The following FAM184A variants were observed in gnomAD, a reference collection of about 807,000 sequenced individuals.
FAM184A encodes family with sequence similarity 184 member A.
A neutral mutation model predicts 143.8 loss-of-function variants in FAM184A; 99 were observed. The ratio of observed to expected loss-of-function variants is 0.69; its 90% CI spans 0.58 to 0.81. The LOEUF (loss-of-function observed/expected upper bound fraction) is 0.81. Ranked by LOEUF, FAM184A falls within the 40% of genes least tolerant of loss-of-function variation. The pLI is 0.00. For missense variants in FAM184A, 1,217 were observed against 1,310.5 expected, an observed-to-expected ratio of 0.93 and a Z score of 1.10; for synonymous variants, 427 against 446.4, an observed-to-expected ratio of 0.96 and a Z score of 0.55.
intron 1 of FAM184A, among the ~76,000 whole-genome samples, chr6:119,076,129 G>A (rs529868728): frequency 6.6e-6 from 1 of 152,268 alleles, no homozygotes; most frequent in South Asian, 2.1e-4. Flanking sequence ...GGTGAGGGCA[G>A]CTACTAGTAG....
intron 6 of FAM184A, among the ~76,000 whole-genome samples, chr6:119,007,974 A>G (rs569271271): frequency 6.6e-6 from 1 of 152,196 alleles, no homozygotes; most frequent in Non-Finnish European, 1.5e-5. Flanking sequence ...GTAACAATGT[A>G]AAGAATTCAA....
At chr6:119,004,398 G>T (rs1274563641) in intron 7 of FAM184A, among the ~76,000 whole-genome samples, 1 of 152,142 alleles carries the variant, frequency 6.6e-6, no homozygotes, top group Admixed American at 6.5e-5. Context: ...AGATTAATGA[G>T]AAAAAAACAA....
chr6:119,023,378 C>G (rs1416844314), intron 2 of FAM184A, among the ~76,000 whole-genome samples: 1 of 151,910 alleles, frequency 6.6e-6, no homozygotes, highest in African/African-American at 2.4e-5. Flanking sequence ...ATTTTTTTCC[C>G]CCAGACTTGT....
chr6:118,994,687 AAATAAATAAATAAATAAATAAATAAAT>A (rs1784489259), intron 9 of FAM184A, among the ~76,000 whole-genome samples: 1 of 137,894 alleles, frequency 7.3e-6, no homozygotes, highest in African/African-American at 2.7e-5. Flanking sequence ...CTCCATCTCT[AAATAAATAAATAAATAAATAAATAAAT>A]AAATAAATAA....
intron 1 of FAM184A, among the ~76,000 whole-genome samples, chr6:119,129,725 G>T (rs992432642): frequency 6.7e-6 from 1 of 148,518 alleles, no homozygotes; most frequent in African/African-American, 2.5e-5. Context: ...TGTGTGTGTG[G>T]GGGGTTGTTA....
intron 5 of FAM184A, among the ~76,000 whole-genome samples, chr6:119,011,738 A>G (rs530936306): frequency 1.3e-5 from 2 of 152,210 alleles, no homozygotes; most frequent in Non-Finnish European, 2.9e-5. Flanking sequence ...TGAATTCAAA[A>G]TTCTTTTTTT....
Position 119,078,468 on chromosome 6 carries a change from C to A in FAM184A, c.-169G>T. ...CCCACCCGCGACCCCCGGGTCACCC[C>A]TGGAAGGGACGGGGCGGTCCCGCCG... is the stretch of plus-strand genomic sequence containing the variant. On this transcript the variant is annotated 5_prime_UTR_variant, in exon 1 of 18. It adds an upstream start codon to the 5' untranslated region. Coordinates refer to ENST00000338891, the MANE Select transcript of FAM184A (RefSeq NM_024581.6). This position sits in a 1 kb window ranked among gnomAD's most constrained non-coding sequence, Gnocchi z 5.5. 1.7e-6 allele frequency: 1 copy of A among 596,084 alleles called. No homozygotes were observed. Among genetic ancestry groups the A allele is most frequent in the Non-Finnish European group, 2.6e-6 (1 of 388,210 alleles). 36.9% of individuals were successfully genotyped at this position (596,084 alleles called of 1,614,324 possible).
intron 1 of FAM184A, among the ~76,000 whole-genome samples, chr6:119,088,493 T>G (rs2114816759): frequency 6.6e-6 from 1 of 152,312 alleles, no homozygotes; most frequent in African/African-American, 2.4e-5. Context: ...TCTTTCTTCT[T>G]TTTTCTATTC....
chr6:118,965,205 G>T lies in FAM184A; in HGVS notation c.3034-434C>A, dbSNP rs373464916. Among the ~76,000 whole-genome samples, 313 of 130,940 alleles carry T rather than the reference G, an allele frequency of 2.4e-3. 2 individuals are homozygous for T. The highest frequency in any genetic ancestry group is 0.016 in the Middle Eastern group (4 of 248). 85.9% of individuals were successfully genotyped at this position (130,940 alleles called of 152,430 possible). On this transcript the variant is annotated intron_variant, in intron 15 of 17. Transcript: ENST00000338891. ...ATACCCAGCTAAGTTTTTTTTGTTT[G>T]TTTTTTTTTTTTTTTTGGTGTGTGT...
intron 6 of FAM184A, among the ~76,000 whole-genome samples, chr6:119,010,815 C>T (rs990803762): frequency 3.3e-5 from 5 of 151,886 alleles, no homozygotes; most frequent in African/African-American, 1.2e-4. Flanking sequence ...TATTATATTC[C>T]AATCCTTAAC....
At chr6:119,083,677 C>T (rs1301296726) in intron 1 of FAM184A, among the ~76,000 whole-genome samples, 2 of 152,150 alleles carry the variant, frequency 1.3e-5, no homozygotes, top group Non-Finnish European at 2.9e-5. Flanking sequence ...CCAATAAGTT[C>T]CTCATCTTCA....
At chr6:119,095,536 G>T (rs1382886110) in intron 1 of FAM184A, among the ~76,000 whole-genome samples, 1 of 152,106 alleles carries the variant, frequency 6.6e-6, no homozygotes, top group Non-Finnish European at 1.5e-5. Flanking sequence ...ATCTAGATGA[G>T]AAATAATATA....
At chr6:119,089,521 C>G (rs574678371) in intron 1 of FAM184A, among the ~76,000 whole-genome samples, 1 of 152,230 alleles carries the variant, frequency 6.6e-6, no homozygotes, top group South Asian at 2.1e-4. Context: ...CAGGCTGGTC[C>G]TGAACTCCTG....
intron 1 of FAM184A, among the ~76,000 whole-genome samples, chr6:119,113,830 T>C (rs1406787128): frequency 6.6e-6 from 1 of 152,068 alleles, no homozygotes; most frequent in Non-Finnish European, 1.5e-5. Context: ...TAATCCCAGA[T>C]ACTTGGAAGG....
rs1352925585 is a variant in FAM184A, at chr6:119,146,823, T to C, written c.-202+2255A>G. The stretch of plus-strand genomic sequence containing the variant: ...TAGCAGGAAAGGAATAGTCACCCTC[T>C]CCCCTGGTGCACAGATTGGAGCTCT... On this transcript the variant is annotated intron_variant, in intron 1 of 16. Transcript: ENST00000352896. Among the ~76,000 whole-genome samples the C allele has an allele frequency of 2.0e-5, 3 of 152,014 alleles. No individual in the cohort carries two copies. The East Asian group carries it at 5.8e-4, about 29-fold the overall frequency.
At chr6:119,124,772 C>A (rs572832728) in intron 1 of FAM184A, among the ~76,000 whole-genome samples, 59 of 150,680 alleles carry the variant, frequency 3.9e-4, no homozygotes, top group African/African-American at 1.4e-3. Context: ...TTTTTTATAT[C>A]TTTAAAGTAC....
intron 1 of FAM184A, among the ~76,000 whole-genome samples, chr6:119,026,544 G>A (rs1236251971): frequency 2.0e-5 from 3 of 152,032 alleles, no homozygotes; most frequent in Non-Finnish European, 4.4e-5. Context: ...AAAGAAACCT[G>A]AAAAAATAGT....
intron 1 of FAM184A, among the ~76,000 whole-genome samples, chr6:119,025,281 C>T (rs2114693282): frequency 6.6e-6 from 1 of 152,270 alleles, no homozygotes; most frequent in Non-Finnish European, 1.5e-5. Context: ...GGCCCTAAGT[C>T]TTCCCAAAAG....
chr6:118,983,586 TTAAA>T (rs1201076143), intron 9 of FAM184A, among the ~76,000 whole-genome samples: 1 of 152,302 alleles, frequency 6.6e-6, no homozygotes, highest in African/African-American at 2.4e-5. Flanking sequence ...CTTATTTTGT[TTAAA>T]TAAACCAAAA....
Sources: gnomAD v4.1 joint callset for allele counts (sites outside exome capture counted in the v4.1 genomes callset) on GRCh38, gnomAD v4.1.1 for gene constraint, Gnocchi (gnomAD v3.1) non-coding constraint, MANE v1.5 for transcripts, NCBI Gene and HGNC (gene_info 2026-07-23, HGNC 2026-07-21) for gene names.